Variants in UGGT2 observed in about 807,000 individuals in gnomAD.
UGGT2 encodes UDP-glucose:glycoprotein glucosyltransferase 2.
UGGT2 carries 180 observed loss-of-function variants against 192.1 expected under a neutral mutation model. The ratio of observed to expected loss-of-function variants is 0.94; its 90% confidence interval spans 0.83 to 1.06. UGGT2 has a LOEUF of 1.06. Among genes scored for constraint, UGGT2 ranks in the 50% least tolerant of loss-of-function variants. The pLI, the probability that UGGT2 is intolerant of heterozygous loss-of-function variation, is 0.00. For missense variants in UGGT2, 1,849 were observed against 1,795.7 expected, an observed-to-expected ratio of 1.03 and a Z score of -0.54; for synonymous variants, 580 against 591.0, an observed-to-expected ratio of 0.98 and a Z score of 0.27.
At chr13:95,857,160 G>A (rs1156807417) in intron 33 of UGGT2, among the ~76,000 whole-genome samples, 1 of 151,944 alleles carries the variant, frequency 6.6e-6, no homozygotes, top group African/African-American at 2.4e-5. Context: ...AATGCAAGAA[G>A]CACCAATTTT....
intron 36 of UGGT2, among the ~76,000 whole-genome samples, chr13:95,843,428 T>C (rs948130964): frequency 3.3e-5 from 5 of 152,232 alleles, no homozygotes; most frequent in African/African-American, 4.8e-5. Context: ...TGGGTCAATC[T>C]GATTCTTTAA....
intron 12 of UGGT2, among the ~76,000 whole-genome samples, chr13:95,955,192 C>T (rs2050176953): frequency 6.6e-6 from 1 of 152,122 alleles, no homozygotes; most frequent in Non-Finnish European, 1.5e-5. Context: ...ATACTATGTT[C>T]CTATTTTTAA....
chr13:95,825,103 A>C (rs1594081023), intron 38 of UGGT2, among the ~76,000 whole-genome samples: 1 of 152,054 alleles, frequency 6.6e-6, no homozygotes, highest in Admixed American at 6.6e-5. Flanking sequence ...TCATGTACTC[A>C]GTGTGTTGGC....
chr13:95,889,061 T>C (rs888107275), intron 25 of UGGT2, among the ~76,000 whole-genome samples: 1 of 152,146 alleles, frequency 6.6e-6, no homozygotes, highest in Non-Finnish European at 1.5e-5. Context: ...GTGATCTTCC[T>C]GCTTTGGCTA....
At chr13:95,828,058 A>T (rs1886229525) in intron 38 of UGGT2, among the ~76,000 whole-genome samples, 1 of 152,130 alleles carries the variant, frequency 6.6e-6, no homozygotes, top group Non-Finnish European at 1.5e-5. Context: ...CAAACTGCTC[A>T]GGGACACAGA....
intron 20 of UGGT2, among the ~76,000 whole-genome samples, chr13:95,909,814 A>AAT (rs2048426060): frequency 1.3e-5 from 2 of 148,244 alleles, no homozygotes; most frequent in African/African-American, 4.9e-5. Context: ...AAAAAAAAAA[A>AAT]AAAAAACTGT....
chr13:95,957,909 A>G (rs886447630), intron 12 of UGGT2, among the ~76,000 whole-genome samples: 9 of 152,234 alleles, frequency 5.9e-5, no homozygotes, highest in Non-Finnish European at 1.3e-4. Context: ...ACATTTTTAG[A>G]AAAGACATCT....
intron 2 of UGGT2, among the ~76,000 whole-genome samples, chr13:96,025,151 T>G (rs2052626816): frequency 6.6e-6 from 1 of 152,232 alleles, no homozygotes; most frequent in Admixed American, 6.5e-5. Flanking sequence ...TCAGCATCCA[T>G]GAAACTAATC....
At chr13:95,854,253 C>T in intron 35 of UGGT2, 62 bp downstream of exon 35, 1 of 1,508,314 alleles carries the variant, frequency 6.6e-7, no homozygotes. Flanking sequence ...TTTAAGAAAA[C>T]TGAAAGTTGC....
chr13:95,872,107 CATAA>C (rs1161358818), intron 29 of UGGT2, among the ~76,000 whole-genome samples: 1 of 152,124 alleles, frequency 6.6e-6, no homozygotes, highest in African/African-American at 2.4e-5. Flanking sequence ...ATTAAAGGTG[CATAA>C]ATAAAGTATC....
chr13:95,942,369 G>T (rs2049721591), intron 15 of UGGT2, among the ~76,000 whole-genome samples: 1 of 151,694 alleles, frequency 6.6e-6, no homozygotes, highest in African/African-American at 2.4e-5. Flanking sequence ...CTACAGGCAG[G>T]GTAGCAATGT....
At chr13:96,051,839 C>T (rs567534960) in intron 1 of UGGT2, among the ~76,000 whole-genome samples, 9 of 152,142 alleles carry the variant, frequency 5.9e-5, no homozygotes, top group South Asian at 4.2e-4. Context: ...TAGATGTTGG[C>T]GTGGATGCAG....
intron 20 of UGGT2, among the ~76,000 whole-genome samples, chr13:95,924,419 T>TTTTTTTTTTTTTTTTTTA (rs2048954090): frequency 8.2e-6 from 1 of 121,926 alleles, no homozygotes; most frequent in Admixed American, 8.8e-5. Flanking sequence ...TTTTTTTTTT[T>TTTTTTTTTTTTTTTTTTA]TTTTTGAAAT....
At chr13:95,838,316 T>C (rs991864808) in intron 36 of UGGT2, among the ~76,000 whole-genome samples, 2 of 152,148 alleles carry the variant, frequency 1.3e-5, no homozygotes, top group African/African-American at 4.8e-5. Flanking sequence ...CTGAAATACA[T>C]GAAGAGATAT....
chr13:96,023,611 T>TCTCGG lies in UGGT2; in HGVS notation c.372+17_372+18insCCGAG. 1 of 1,599,226 alleles carries TCTCGG rather than the reference T, an allele frequency of 6.3e-7. No homozygotes were observed. Among genetic ancestry groups the TCTCGG allele is most frequent in the Non-Finnish European group, 8.5e-7 (1 of 1,172,146 alleles). Reference sequence around the variant, plus strand: ...AGCGTGCCTCTTTGTCAAATACAGATTGGGTATTTTTACGCACCTGCTGAA... The same window carrying TCTCGG: ...AGCGTGCCTCTTTGTCAAATACAGATCTCGGTGGGTATTTTTACGCACCTGCTGAA... On this transcript the variant is annotated intron_variant, in intron 3 of 38. Transcript: ENST00000376747.
chr13:95,819,536 AT>A (rs566972742), intron 38 of UGGT2, among the ~76,000 whole-genome samples: 53,599 of 151,936 alleles, frequency 0.35, 9,906 homozygotes, highest in Non-Finnish European at 0.41. Context: ...GTATATATGT[AT>A]ATATGTATGT....
intron 5 of UGGT2, 76 bp from the exon 6 acceptor site, chr13:95,999,383 G>A (rs1284931363): frequency 4.5e-6 from 6 of 1,324,024 alleles, no homozygotes; most frequent in South Asian, 1.2e-5. Flanking sequence ...GTACCACGAT[G>A]TATTTGGACA....
intron 20 of UGGT2, among the ~76,000 whole-genome samples, chr13:95,909,030 T>C (rs2048387176): frequency 6.6e-6 from 1 of 151,602 alleles, no homozygotes; most frequent in South Asian, 2.1e-4. Context: ...CCCATGCCTA[T>C]GTCCTGAATG....
intron 20 of UGGT2, among the ~76,000 whole-genome samples, chr13:95,923,476 C>T (rs2048914221): frequency 6.7e-6 from 1 of 149,784 alleles, no homozygotes; most frequent in Admixed American, 6.8e-5. Flanking sequence ...TCAAGGGATT[C>T]TCCTGCCTCA....
Sources: allele counts gnomAD v4.1 joint callset (sites outside exome capture counted in the v4.1 genomes callset), GRCh38; gene constraint gnomAD v4.1.1; transcripts MANE v1.5; gene names NCBI Gene and HGNC (gene_info 2026-07-23, HGNC 2026-07-21).